Variants in CDH12 observed in about 807,000 individuals in gnomAD.
The protein encoded by CDH12 is cadherin-12.
CDH12 carries 41 observed loss-of-function variants against 74.1 expected under a neutral mutation model. The observed-to-expected ratio is 0.55, with a 90% CI of 0.43 to 0.72. The LOEUF (loss-of-function observed/expected upper bound fraction) is 0.72, where lower values mean the gene tolerates loss of function less well. Among genes scored for constraint, CDH12 ranks in the 30% least tolerant of loss-of-function variants. The pLI, the probability that CDH12 is intolerant of heterozygous loss-of-function variation, is 0.00. For synonymous variants in CDH12, 399 were observed against 355.0 expected (o/e 1.12, Z -1.39); for missense variants, 945 against 977.2 (o/e 0.97, Z 0.44).
At chr5:21,862,200 A>C (rs1355130328) in intron 6 of CDH12, among the ~76,000 whole-genome samples, 1 of 152,064 alleles carries the variant, frequency 6.6e-6, no homozygotes, top group Non-Finnish European at 1.5e-5. Flanking sequence ...TGGGTTCTGA[A>C]GCCCAGACCA....
chr5:21,882,846 T>C, intron 6 of CDH12: 1 of 1,572,378 alleles, frequency 6.4e-7, no homozygotes, highest in Non-Finnish European at 8.7e-7. Context: ...GTCAATTGAC[T>C]TGAAGGATAA....
intron 2 of CDH12, among the ~76,000 whole-genome samples, chr5:22,461,011 G>T (rs765825301): frequency 6.8e-6 from 1 of 146,014 alleles, no homozygotes; most frequent in Non-Finnish European, 1.5e-5. Flanking sequence ...GTGAGCCACC[G>T]CGCCAGGCCA....
chr5:21,928,274 A>G (rs1754683208), intron 6 of CDH12, among the ~76,000 whole-genome samples: 1 of 152,152 alleles, frequency 6.6e-6, no homozygotes, highest in Admixed American at 6.5e-5. Flanking sequence ...TTTAGTGAGG[A>G]CAAAAGAAAA....
At position 22,263,855 on chromosome 5, in the gene CDH12, A is replaced by G. The variant is rs565413559; in HGVS notation, c.-332-51212T>C. Among the ~76,000 whole-genome samples the G allele has an allele frequency of 2.9e-3, 434 of 152,190 alleles. 5 individuals are homozygous for G. Among genetic ancestry groups the G allele is most frequent in the African/African-American group, 9.6e-3 (401 of 41,560 alleles). On this transcript the variant is annotated intron_variant, in intron 3 of 14. Transcript: ENST00000382254. ...TTAGCAAATTTAAGTAATTGGCAAA[A>G]GGTGTCATGATTACCCAATAGTAAA...
At chr5:21,987,688 C>A (rs1327157184) in intron 5 of CDH12, among the ~76,000 whole-genome samples, 1 of 152,116 alleles carries the variant, frequency 6.6e-6, no homozygotes, top group African/African-American at 2.4e-5. Flanking sequence ...GATTAAACTC[C>A]TTGATTGTTC....
chr5:22,178,619 G>A (rs2150335445), intron 4 of CDH12, among the ~76,000 whole-genome samples: 1 of 152,252 alleles, frequency 6.6e-6, no homozygotes, highest in African/African-American at 2.4e-5. Context: ...CCATTCTGAA[G>A]AGTAACACCA....
At chr5:22,784,599 T>G (rs967635690) in intron 1 of CDH12, among the ~76,000 whole-genome samples, 1 of 152,154 alleles carries the variant, frequency 6.6e-6, no homozygotes, top group Non-Finnish European at 1.5e-5. Flanking sequence ...CATGGCTTGT[T>G]ACTTGGATGG....
intron 1 of CDH12, among the ~76,000 whole-genome samples, chr5:22,692,064 G>T (rs906747613): frequency 6.6e-6 from 1 of 152,124 alleles, no homozygotes; most frequent in Non-Finnish European, 1.5e-5. Context: ...GAGGTGTTTG[G>T]GTCATGGGGT....
chr5:22,644,968 G>T (rs904488202), intron 1 of CDH12, among the ~76,000 whole-genome samples: 1 of 152,032 alleles, frequency 6.6e-6, no homozygotes, highest in Non-Finnish European at 1.5e-5. Context: ...TAAGCCCATT[G>T]TTGAGAACTG....
rs1256245141 is a variant in CDH12, at chr5:21,783,408, T to A, written c.1343A>T (p.Asp448Val). ...ATTATACTGCGCAGTGCTTTCTCTGTCTAGTAATTCATTAGTGGCGATGGT... is the reference window on the plus strand; with the variant it reads ...ATTATACTGCGCAGTGCTTTCTCTGACTAGTAATTCATTAGTGGCGATGGT... ...EGTIATNELL[D>V]RESTAQYNFS... The change falls in exon 11 of 15, where the codon GAC becomes GTC. Residue 448 changes from aspartate (D) to valine (V), a missense_variant. Transcript: ENST00000382254. 6.2e-7 allele frequency: 1 copy of A among 1,612,602 alleles called. No individual in the cohort carries two copies. Among genetic ancestry groups the A allele is most frequent in the South Asian group, 1.1e-5 (1 of 91,068 alleles).
intron 5 of CDH12, among the ~76,000 whole-genome samples, chr5:22,074,532 C>A (rs1580207968): frequency 6.6e-6 from 1 of 152,266 alleles, no homozygotes; most frequent in Middle Eastern, 3.4e-3. Flanking sequence ...AGACAACCTA[C>A]AGAATGGGAG....
chr5:22,468,255 C>G (rs766407328), intron 2 of CDH12, among the ~76,000 whole-genome samples: 15 of 152,164 alleles, frequency 9.9e-5, no homozygotes, highest in Non-Finnish European at 1.8e-4. Context: ...ATATAACCAT[C>G]CTTACACAAA....
intron 4 of CDH12, among the ~76,000 whole-genome samples, chr5:22,085,164 T>C (rs1742982466): frequency 7.0e-6 from 1 of 143,776 alleles, no homozygotes; most frequent in African/African-American, 2.7e-5. Context: ...ACATCCCTTT[T>C]AGCAGGAGGG....
intron 4 of CDH12, among the ~76,000 whole-genome samples, chr5:22,162,496 A>G (rs1748413178): frequency 1.3e-5 from 2 of 152,138 alleles, no homozygotes; most frequent in African/African-American, 4.8e-5. Context: ...TTTCCCTGGA[A>G]CACTGGGGAG....
chr5:22,762,266 GAGA>G (rs1316621483), intron 1 of CDH12, among the ~76,000 whole-genome samples: 2 of 151,886 alleles, frequency 1.3e-5, no homozygotes, highest in Non-Finnish European at 2.9e-5. Flanking sequence ...GAGTCCCATG[GAGA>G]AGAAGTAATA....
intron 5 of CDH12, among the ~76,000 whole-genome samples, chr5:22,015,116 A>C (rs1737522153): frequency 2.0e-5 from 3 of 152,184 alleles, no homozygotes; most frequent in Non-Finnish European, 4.4e-5. Context: ...CTCAACCATA[A>C]TTGTGAAGCA....
At chr5:22,501,611 A>G (rs1736150919) in intron 2 of CDH12, among the ~76,000 whole-genome samples, 1 of 152,116 alleles carries the variant, frequency 6.6e-6, no homozygotes, top group African/African-American at 2.4e-5. Flanking sequence ...ACCTTTGACA[A>G]TTACCAAAAT....
chr5:21,770,688 G>C (rs560813543), intron 11 of CDH12, among the ~76,000 whole-genome samples: 7 of 151,672 alleles, frequency 4.6e-5, no homozygotes, highest in Admixed American at 2.0e-4. Flanking sequence ...ATTACTCTTC[G>C]ACCCAGCAAT....
chr5:22,792,119 A>C, intron 1 of CDH12, among the ~76,000 whole-genome samples: 1 of 126,224 alleles, frequency 7.9e-6, no homozygotes, highest in Non-Finnish European at 1.6e-5. Flanking sequence ...TGGAGTTTTC[A>C]CTCTTGTCAC....
Sources: allele counts gnomAD v4.1 joint callset (sites outside exome capture counted in the v4.1 genomes callset), GRCh38; gene constraint gnomAD v4.1.1; transcripts MANE v1.5; gene names NCBI Gene and HGNC (gene_info 2026-07-23, HGNC 2026-07-21).